The following SLC22A3 variants were observed in gnomAD, a reference collection of about 807,000 sequenced individuals.
SLC22A3 encodes the protein solute carrier family 22 member 3.
Under a neutral mutation model 59.1 loss-of-function variants are expected in SLC22A3, and 51 were observed. The ratio of observed to expected loss-of-function variants is 0.86; its 90% CI spans 0.69 to 1.09. The LOEUF (loss-of-function observed/expected upper bound fraction) is 1.09, where lower values mean the gene tolerates loss of function less well. SLC22A3 is among the 50% of genes least tolerant of loss of function. The pLI is 0.00. For missense variants in SLC22A3, 711 were observed against 726.3 expected (o/e 0.98, Z 0.24); for synonymous variants, 325 against 292.0 (o/e 1.11, Z -1.15).
chr6:160,451,848 T>C lies in SLC22A3; in HGVS notation c.*792T>C, dbSNP rs1788978592. The C allele has an allele frequency of 6.6e-6, 1 of 152,242 alleles. No individual in the cohort carries two copies. The highest frequency in any genetic ancestry group is 2.4e-5 in the African/African-American group (1 of 41,466). 9.4% of individuals were successfully genotyped at this position (152,242 alleles called of 1,614,324 possible). A position where few individuals can be genotyped will look rare whatever the true frequency, so the allele number is the denominator to read the frequency against. On this transcript the variant is annotated 3_prime_UTR_variant, in exon 11 of 11. Coordinates refer to ENST00000275300, the MANE Select transcript of SLC22A3 (RefSeq NM_021977.4). The stretch of plus-strand genomic sequence containing the variant: ...ACCTAGAGCCACAGATTCCCTTCTT[T>C]ACTAAACAAATCCCATGGATTCTGA...
rs539293769 is a variant in SLC22A3, at chr6:160,421,238, T to C, written c.975+10392T>C. ...AGCCCACGGAAAACACAAAGCCCTT[T>C]TTTCCCTAGCTAGCCTCTCCATGTG... On this transcript the variant is annotated intron_variant, in intron 5 of 10. Coordinates refer to ENST00000275300, the MANE Select transcript of SLC22A3 (RefSeq NM_021977.4). 1.9e-3 allele frequency among the ~76,000 whole-genome samples: 295 copies of C among 152,290 alleles called. 1 individual carries two copies. Among genetic ancestry groups the C allele is most frequent in the African/African-American group, 6.9e-3 (288 of 41,572 alleles).
At chr6:160,403,558 A>C (rs1786877844) in intron 2 of SLC22A3, among the ~76,000 whole-genome samples, 1 of 151,988 alleles carries the variant, frequency 6.6e-6, no homozygotes, top group Non-Finnish European at 1.5e-5. Context: ...GACCAGCATT[A>C]CTTTAATACC....
intron 7 of SLC22A3, among the ~76,000 whole-genome samples, chr6:160,442,317 G>C (rs987864148): frequency 6.6e-6 from 1 of 152,174 alleles, no homozygotes; most frequent in South Asian, 2.1e-4. Context: ...AGGTGTGCTG[G>C]GAACGGCTAT....
chr6:160,357,251 G>T (rs1583440691), intron 1 of SLC22A3, among the ~76,000 whole-genome samples: 1 of 152,364 alleles, frequency 6.6e-6, no homozygotes, highest in South Asian at 2.1e-4. Context: ...CAGCAGTGGA[G>T]ATAACCAAGT....
intron 1 of SLC22A3, among the ~76,000 whole-genome samples, chr6:160,352,454 C>T (rs1207319783): frequency 1.3e-5 from 2 of 152,084 alleles, no homozygotes; most frequent in African/African-American, 4.8e-5. Context: ...ATTCACTGCC[C>T]AGGGAGTGTC....
Position 160,447,761 on chromosome 6 carries a change from CT to C in SLC22A3, c.1554del (p.Glu519LysfsTer14). On this transcript the variant is annotated frameshift_variant, in exon 10 of 11. Transcript: ENST00000275300. LOFTEE classifies it high-confidence loss of function. ...TGTGGTGGCCTTGTGATGCTTTTGC[CT>C]GAAACCAAGGGTATTGCCTTGCCAG... is the stretch of plus-strand genomic sequence containing the variant. ...SICGGLVMLL[P>X]ETKGIALPET... 6.2e-7 allele frequency: 1 copy of C among 1,614,050 alleles called. No individual in the cohort carries two copies. Among genetic ancestry groups the C allele is most frequent in the South Asian group, 1.1e-5 (1 of 91,070 alleles).
rs999683681 is a variant in SLC22A3, at chr6:160,362,804, CG to C, written c.429+13959del. On this transcript the variant is annotated intron_variant, in intron 1 of 10. Transcript: ENST00000275300. ...CGGCACCAGCGCGTTAGGCTGCCCC[CG>C]GGAGCAGTGCTGCAGGAGCCCCGAG... 7.6e-4 allele frequency among the ~76,000 whole-genome samples: 115 copies of C among 152,200 alleles called. 2 individuals carry two copies. Among genetic ancestry groups the C allele is most frequent in the Admixed American group, 7.8e-4 (12 of 15,290 alleles).
At chr6:160,410,985 T>C (rs569623040) in intron 5 of SLC22A3, 139 bp downstream of exon 5, 4 of 485,094 alleles carry the variant, frequency 8.2e-6, no homozygotes, top group Non-Finnish European at 1.5e-5. Flanking sequence ...TATGTATATA[T>C]GTATACACAC....
intron 2 of SLC22A3, among the ~76,000 whole-genome samples, chr6:160,406,371 C>T (rs1424082260): frequency 6.6e-6 from 1 of 152,164 alleles, no homozygotes; most frequent in African/African-American, 2.4e-5. Flanking sequence ...CTATGCTGAA[C>T]CAATTCACAC....
At chr6:160,403,442 G>C (rs538617093) in intron 2 of SLC22A3, among the ~76,000 whole-genome samples, 1 of 151,778 alleles carries the variant, frequency 6.6e-6, no homozygotes, top group Non-Finnish European at 1.5e-5. Flanking sequence ...GGCCCAGATG[G>C]GTTCACAGGT....
chr6:160,436,984 A>G lies in SLC22A3; in HGVS notation c.1074-13A>G, dbSNP rs1207835454. ...TCTTACTTGTTCTCTGGTGTCTTTC[A>G]ATGTTGCTACAGGTTCACAAGCGCA... On this transcript the variant is annotated splice_polypyrimidine_tract_variant and intron_variant, in intron 6 of 10. Coordinates refer to ENST00000275300, the MANE Select transcript of SLC22A3 (RefSeq NM_021977.4). The G allele has an allele frequency of 1.2e-6, 2 of 1,613,958 alleles. No individual in the cohort carries two copies. Among genetic ancestry groups the G allele is most frequent in the Non-Finnish European group, 1.7e-6 (2 of 1,179,948 alleles).
intron 5 of SLC22A3, among the ~76,000 whole-genome samples, chr6:160,421,627 A>G (rs1449422392): frequency 1.3e-5 from 2 of 152,238 alleles, no homozygotes; most frequent in African/African-American, 4.8e-5. Context: ...GTAAAACACA[A>G]GGCAAAACTC....
intron 1 of SLC22A3, among the ~76,000 whole-genome samples, chr6:160,365,953 A>G (rs1278429097): frequency 6.6e-6 from 1 of 152,292 alleles, no homozygotes; most frequent in East Asian, 1.9e-4. Context: ...GAGCTCCCTC[A>G]CTATCATGAG....
intron 1 of SLC22A3, among the ~76,000 whole-genome samples, chr6:160,354,174 A>G (rs593282): frequency 1 from 151,543 of 152,300 alleles, 75,394 homozygotes; most frequent in East Asian, 1. Flanking sequence ...TTTGGCATTG[A>G]CATCTTAGTA....
chr6:160,411,492 C>T (rs1322972478), intron 5 of SLC22A3, among the ~76,000 whole-genome samples: 1 of 152,138 alleles, frequency 6.6e-6, no homozygotes, highest in African/African-American at 2.4e-5. Context: ...AATCCCAGTG[C>T]TTTGGGAGGC....
At chr6:160,375,458 C>G (rs1296805873) in intron 1 of SLC22A3, among the ~76,000 whole-genome samples, 2 of 152,000 alleles carry the variant, frequency 1.3e-5, no homozygotes, top group Non-Finnish European at 2.9e-5. Context: ...CCCCACCACC[C>G]TCCACCCCCA....
chr6:160,437,865 A>T (rs1788405220), intron 7 of SLC22A3, among the ~76,000 whole-genome samples: 1 of 152,168 alleles, frequency 6.6e-6, no homozygotes, highest in Non-Finnish European at 1.5e-5. Context: ...ACTAGAGAAG[A>T]GTTTCCAGAA....
At chr6:160,441,302 C>G (rs57651207) in intron 7 of SLC22A3, among the ~76,000 whole-genome samples, 5,990 of 152,178 alleles carry the variant, frequency 0.039, 397 homozygotes, top group African/African-American at 0.14. Context: ...TCCACTCCCC[C>G]CTTTTCTTGG....
intron 10 of SLC22A3, among the ~76,000 whole-genome samples, chr6:160,450,534 C>T (rs1236031017): frequency 6.6e-6 from 1 of 152,184 alleles, no homozygotes; most frequent in Non-Finnish European, 1.5e-5. Flanking sequence ...GAGGGACATA[C>T]ATCCTCAGCT....
Sources: allele counts gnomAD v4.1 joint callset (sites outside exome capture counted in the v4.1 genomes callset), GRCh38; gene constraint gnomAD v4.1.1; transcripts MANE v1.5; gene names NCBI Gene and HGNC (gene_info 2026-07-23, HGNC 2026-07-21).